The following CAST variants were observed in gnomAD, a reference collection of about 807,000 sequenced individuals.
CAST encodes MIR583 host.
In CAST, 76 loss-of-function variants were observed where a neutral mutation model predicts 119.6. The observed-to-expected ratio is 0.64, with a 90% CI of 0.53 to 0.77. The LOEUF is 0.77. CAST is among the 30% of genes least tolerant of loss of function. The pLI is 0.00. For missense variants in CAST, 953 were observed against 946.5 expected, an observed-to-expected ratio of 1.01 and a Z score of -0.09; for synonymous variants, 319 against 331.6, an observed-to-expected ratio of 0.96 and a Z score of 0.41.
chr5:96,233,960 A>AT, the CAST span, among the ~76,000 whole-genome samples: 1 of 152,084 alleles, frequency 6.6e-6, no homozygotes, highest in African/African-American at 2.4e-5. Flanking sequence ...AAAAAAAATT[A>AT]TTTTTTAAAG....
the CAST span, chr5:96,429,294 G>A: frequency 6.3e-7 from 1 of 1,588,282 alleles, no homozygotes; most frequent in Non-Finnish European, 8.6e-7. Context: ...GTTTGAATAA[G>A]TAGTGATTTT....
At chr5:96,569,546 T>C (rs1170739232) in intron 1 of CAST, among the ~76,000 whole-genome samples, 3 of 152,226 alleles carry the variant, frequency 2.0e-5, no homozygotes, top group Non-Finnish European at 4.4e-5. Context: ...TACCAGACTG[T>C]GCAGGCTCCC....
chr5:96,158,931 A>G, the CAST span, among the ~76,000 whole-genome samples: 10 of 152,326 alleles, frequency 6.6e-5, no homozygotes, highest in African/African-American at 2.4e-4. Context: ...CCCTGATTAT[A>G]TGATTAATGC....
the CAST span, among the ~76,000 whole-genome samples, chr5:96,265,979 T>TA: frequency 6.6e-6 from 1 of 152,186 alleles, no homozygotes; most frequent in Admixed American, 6.6e-5. Flanking sequence ...ACTAACCTAA[T>TA]ACAGTGATTT....
At chr5:96,568,564 CAAAAAAAAAA>C (rs70981830) in intron 1 of CAST, among the ~76,000 whole-genome samples, 2 of 70,920 alleles carry the variant, frequency 2.8e-5, no homozygotes, top group Non-Finnish European at 4.9e-5. Flanking sequence ...GACTCCATCT[CAAAAAAAAAA>C]AAAAAAAAAA....
At chr5:96,759,935 A>C (rs1339880343) in intron 24 of CAST, among the ~76,000 whole-genome samples, 1 of 152,064 alleles carries the variant, frequency 6.6e-6, no homozygotes, top group Non-Finnish European at 1.5e-5. Context: ...CACTATGTAC[A>C]ACAATTTTCT....
At chr5:96,655,949 T>C (rs915257782) in intron 1 of CAST, among the ~76,000 whole-genome samples, 2 of 152,250 alleles carry the variant, frequency 1.3e-5, no homozygotes, top group African/African-American at 2.4e-5. Flanking sequence ...GTAATAAACA[T>C]GAACAGGCAA....
chr5:96,192,073 G>T, the CAST span, among the ~76,000 whole-genome samples: 1 of 152,072 alleles, frequency 6.6e-6, no homozygotes, highest in African/African-American at 2.4e-5. Context: ...GGGCCTTTAC[G>T]TAAATTATAG....
In CAST at chr5:96,662,419, C is replaced by G; in HGVS notation, c.-4C>G. On this transcript the variant is annotated 5_prime_UTR_variant, in exon 1 of 32. Coordinates refer to ENST00000675179, the MANE Select transcript of CAST (RefSeq NM_001750.7). ...CGGGAGGCAGCGGCCGCAGCGGCCT[C>G]GCCATGTCCCAGCCCGGCCAGAAGC... 1 of 1,444,784 alleles carries G rather than the reference C, an allele frequency of 6.9e-7. No homozygotes were observed. Among genetic ancestry groups the G allele is most frequent in the Non-Finnish European group, 9.0e-7 (1 of 1,105,312 alleles). 89.5% of individuals were successfully genotyped at this position (1,444,784 alleles called of 1,614,324 possible).
At chr5:96,269,277 A>G in the CAST span, among the ~76,000 whole-genome samples, 1 of 152,208 alleles carries the variant, frequency 6.6e-6, no homozygotes, top group African/African-American at 2.4e-5. Context: ...AATTATAAAT[A>G]TCTATATACC....
At chr5:96,668,026 G>GAATA (rs1215719594) in intron 1 of CAST, among the ~76,000 whole-genome samples, 2 of 152,058 alleles carry the variant, frequency 1.3e-5, no homozygotes, top group South Asian at 2.1e-4. Context: ...ATAAATAAAT[G>GAATA]AATAAATAAA....
the CAST span, among the ~76,000 whole-genome samples, chr5:96,113,251 A>G: frequency 6.6e-6 from 1 of 152,308 alleles, no homozygotes; most frequent in South Asian, 2.1e-4. Flanking sequence ...AAATGCACCA[A>G]ATCAAATAAA....
chr5:95,962,453 ACTGCTCACTCTAAACTTGAAG>A, the CAST span, among the ~76,000 whole-genome samples: 1 of 152,218 alleles, frequency 6.6e-6, no homozygotes, highest in African/African-American at 2.4e-5. Flanking sequence ...TTGGGAGGAA[ACTGCTCACTCTAAACTTGAAG>A]TTATCGGGTG....
At chr5:96,536,355 G>A (rs144237906) in intron 1 of CAST, among the ~76,000 whole-genome samples, 119 of 152,164 alleles carry the variant, frequency 7.8e-4, no homozygotes, top group African/African-American at 2.7e-3. Flanking sequence ...GCAAAACTCC[G>A]TCTCCAAAAG....
the CAST span, among the ~76,000 whole-genome samples, chr5:96,169,715 G>A: frequency 2.5e-4 from 38 of 152,112 alleles, no homozygotes; most frequent in Admixed American, 2.4e-3. Context: ...GGGAATAGAG[G>A]TGTGCTATAT....
chr5:96,272,945 A>T, the CAST span, among the ~76,000 whole-genome samples: 3 of 152,226 alleles, frequency 2.0e-5, no homozygotes, highest in African/African-American at 7.2e-5. Flanking sequence ...ATGAAAATCA[A>T]TTATTTGATG....
chr5:95,975,788 C>T, the CAST span, among the ~76,000 whole-genome samples: 1 of 152,188 alleles, frequency 6.6e-6, no homozygotes, highest in Non-Finnish European at 1.5e-5. Flanking sequence ...CTAGACCAGG[C>T]ATGGTCTACC....
intron 1 of CAST, among the ~76,000 whole-genome samples, chr5:96,672,924 G>C (rs1750289968): frequency 6.6e-6 from 1 of 152,014 alleles, no homozygotes; most frequent in Non-Finnish European, 1.5e-5. Context: ...GTTATTTTAA[G>C]GGAGAAAAGG....
chr5:96,519,483 G>A, the CAST span, among the ~76,000 whole-genome samples: 1 of 152,188 alleles, frequency 6.6e-6, no homozygotes, highest in Non-Finnish European at 1.5e-5. Context: ...TGTCAGTTGT[G>A]TAATTGTTTT....
Sources: gnomAD v4.1 joint callset for allele counts (sites outside exome capture counted in the v4.1 genomes callset) on GRCh38, gnomAD v4.1.1 for gene constraint, MANE v1.5 for transcripts, NCBI Gene and HGNC (gene_info 2026-07-23, HGNC 2026-07-21) for gene names.